The following COL6A2 variants were observed in gnomAD, a reference collection of about 807,000 sequenced individuals.
COL6A2 encodes collagen alpha-2(VI) chain.
COL6A2 carries 90 observed loss-of-function variants against 124.9 expected under a neutral mutation model. That is an observed-to-expected ratio of 0.72 (90% CI 0.61 to 0.86). The LOEUF is 0.86. COL6A2 is among the 40% of genes least tolerant of loss of function. COL6A2 has a pLI of 0.00. For synonymous variants in COL6A2, 793 were observed against 618.2 expected (o/e 1.28, Z -4.19); for missense variants, 1,607 against 1,502.5 (o/e 1.07, Z -1.15).
rs146785156 is a variant in COL6A2 at position 46,119,081 on chromosome 21, A to G, written c.1231A>G (p.Lys411Glu). The change falls in exon 14 of 28, where the codon AAG becomes GAG. Residue 411 changes from lysine to glutamate, a missense_variant. Lys to Glu is a moderately conservative substitution (Grantham distance 56). This residue lies in a region of COL6A2 where 1,223 missense variants were observed against 1,052.2 expected (regional missense o/e 1.16). Coordinates refer to ENST00000300527, the MANE Select transcript of COL6A2 (RefSeq NM_001849.4). ...AGGAAGTCCTGGTGTGAAAGGAGCC[A>G]AGGGCGGGCCTGGGCCCCGCGGACC... Reference protein sequence around the residue: ...APGSPGVKGAKGGPGPRGPKG... With the variant: ...APGSPGVKGAEGGPGPRGPKG... 2 of 1,612,064 alleles carry G rather than the reference A, an allele frequency of 1.2e-6. No individual in the cohort carries two copies. Among genetic ancestry groups the G allele is most frequent in the Non-Finnish European group, 1.7e-6 (2 of 1,179,582 alleles).
chr21:46,125,700 G>A (rs1012351380), intron 25 of COL6A2, 83 bp downstream of exon 25: 22 of 1,592,228 alleles, frequency 1.4e-5, no homozygotes, highest in Middle Eastern at 3.3e-4. Flanking sequence ...GTCCAGACGC[G>A]TCCCTCCAAC....
chr21:46,128,851 C>G, intron 27 of COL6A2: 1 of 1,496,094 alleles, frequency 6.7e-7, no homozygotes, highest in Non-Finnish European at 9.3e-7. Flanking sequence ...TTCCTGGCGA[C>G]GGGCCTGCGG....
chr21:46,131,131 T>G (rs2123452354), intron 27 of COL6A2, among the ~76,000 whole-genome samples: 1 of 152,290 alleles, frequency 6.6e-6, no homozygotes, highest in East Asian at 1.9e-4. Flanking sequence ...GGAAACTGGC[T>G]CTGTCCCTCC....
At chr21:46,103,835 C>T (rs1020665109) in intron 1 of COL6A2, among the ~76,000 whole-genome samples, 7 of 152,186 alleles carry the variant, frequency 4.6e-5, no homozygotes, top group African/African-American at 1.4e-4. Context: ...AGCCCTTCTC[C>T]GTCTGGTTGA....
At position 46,117,588 on chromosome 21, in the gene COL6A2, A is replaced by G. The variant is rs1601228676; in HGVS notation, c.1053+135A>G. 9.7e-6 allele frequency: 9 copies of G among 932,474 alleles called. No homozygotes were observed. The East Asian group carries it at 2.1e-4, about 22-fold the overall frequency. The allele number at this position is 932,474 out of a possible 1,614,324, so 57.8% of individuals were successfully genotyped here. ...CCAGCAGCCCCAGCCCAGCAGCCCC[A>G]GCCCAGCATTCTGCCGGGTCGGAGT... On this transcript the variant is annotated intron_variant, in intron 11 of 27. Coordinates refer to ENST00000300527, the MANE Select transcript of COL6A2 (RefSeq NM_001849.4).
At position 46,132,218 on chromosome 21, in the gene COL6A2, A is replaced by G; in HGVS notation, c.2726A>G (p.Gln909Arg). The G allele has an allele frequency of 2.5e-6, 4 of 1,594,426 alleles. No individual in the cohort carries two copies. Among genetic ancestry groups the G allele is most frequent in the Non-Finnish European group, 3.4e-6 (4 of 1,171,826 alleles). Residue 909 changes from glutamine (Q) to arginine (R), a missense_variant, in exon 28 of 28, where the codon CAA becomes CGA. By Grantham distance (43) the Gln-to-Arg change is conservative. Coordinates refer to ENST00000300527, the MANE Select transcript of COL6A2 (RefSeq NM_001849.4). ...ATCCACGAGGCGCTGGAGACCACAC[A>G]ATACCTGAACTCCTTCTCGCACGTG... ...TAIHEALETT[Q>R]YLNSFSHVGA...
intron 27 of COL6A2, chr21:46,128,767 C>T: frequency 1.3e-6 from 1 of 794,386 alleles, no homozygotes. Context: ...AGAGGACTCA[C>T]ATCCCAGAGA....
intron 1 of COL6A2, among the ~76,000 whole-genome samples, chr21:46,106,596 C>G (rs1307938343): frequency 6.6e-6 from 1 of 152,194 alleles, no homozygotes; most frequent in Non-Finnish European, 1.5e-5. Flanking sequence ...GTTTTGCACT[C>G]AGATACTTCC....
intron 27 of COL6A2, among the ~76,000 whole-genome samples, chr21:46,128,403 A>G (rs1200291938): frequency 6.6e-6 from 1 of 152,234 alleles, no homozygotes; most frequent in Non-Finnish European, 1.5e-5. Flanking sequence ...CAGCAGGGAC[A>G]GTGTTAAATC....
chr21:46,122,117 G>C lies in COL6A2; in HGVS notation c.1531G>C (p.Gly511Arg), dbSNP rs727502833. ...CAACGTCCTCCTCCAGGGAGACCCC[G>C]GCAGGCCTGGATTCAGCTACCCAGG... ...SGQPGPKGDP[G>R]RPGFSYPGPR... The change falls in exon 19 of 28, where the codon GGC becomes CGC. Residue 511 changes from glycine (G) to arginine (R), a missense_variant. Gly to Arg is a moderately radical substitution (Grantham distance 125). This residue lies in a region of COL6A2 where 1,223 missense variants were observed against 1,052.2 expected (regional missense o/e 1.16). Transcript: ENST00000300527. The C allele has an allele frequency of 6.2e-7, 1 of 1,612,598 alleles. No individual in the cohort carries two copies. Among genetic ancestry groups the C allele is most frequent in the Non-Finnish European group, 8.5e-7 (1 of 1,179,994 alleles).
intron 12 of COL6A2, among the ~76,000 whole-genome samples, 160 bp downstream of exon 12, chr21:46,118,096 C>A (rs1006470692): frequency 6.6e-6 from 1 of 152,240 alleles, no homozygotes; most frequent in South Asian, 2.1e-4. Flanking sequence ...GTGCCCTGCC[C>A]GTTGCTTCAT....
intron 5 of COL6A2, among the ~76,000 whole-genome samples, chr21:46,114,618 A>G (rs1601223142): frequency 1.3e-5 from 2 of 152,190 alleles, no homozygotes; most frequent in African/African-American, 4.8e-5. Flanking sequence ...ATATTCAAGT[A>G]AGTAAAATGT....
In COL6A2 at chr21:46,116,731, ACCGG is replaced by A; in HGVS notation, c.955-38_955-35del. On this transcript the variant is annotated intron_variant, in intron 9 of 27. Transcript: ENST00000300527. The surrounding 1 kb of genome is among the most constrained non-coding windows in gnomAD (Gnocchi z 4.6). Reference sequence around the variant, plus strand: ...CCTTCCTGCTGCTCAGGGCAGAAGGACCGGGGCTAATGGAGTTCCCTCTTCCTTC... The same window carrying A: ...CCTTCCTGCTGCTCAGGGCAGAAGGAGGCTAATGGAGTTCCCTCTTCCTTC... 1 of 1,612,968 alleles carries A rather than the reference ACCGG, an allele frequency of 6.2e-7. No individual in the cohort carries two copies. The highest frequency in any genetic ancestry group is 8.5e-7 in the Non-Finnish European group (1 of 1,179,972).
At position 46,118,664 on chromosome 21, in the gene COL6A2, C is replaced by G. The variant is rs1468279141; in HGVS notation, c.1167C>G (p.Ala389=). The change falls in exon 13 of 28, where the codon GCC becomes GCG. Residue 389 remains alanine, a synonymous_variant. Transcript: ENST00000300527. ...GRRGPPGEIG[A]KGSKGYQGNS... is the part of the protein sequence containing the mutation. ...GAGGGCCCCCGGGAGAAATCGGGGC[C>G]AAGGGAAGCAAGGTGAGCCCCTCTG... 6.2e-7 allele frequency: 1 copy of G among 1,610,652 alleles called. No homozygotes were observed. Among genetic ancestry groups the G allele is most frequent in the African/African-American group, 1.3e-5 (1 of 74,932 alleles).
chr21:46,122,430 G>T (rs1316797688), intron 19 of COL6A2, 66 bp from the exon 20 acceptor site: 3 of 1,599,542 alleles, frequency 1.9e-6, no homozygotes, highest in Non-Finnish European at 2.6e-6. Context: ...GCAGAAAGCT[G>T]CCCAGAGGGA....
intron 1 of COL6A2, among the ~76,000 whole-genome samples, chr21:46,107,163 T>C (rs575726919): frequency 6.6e-6 from 1 of 152,306 alleles, no homozygotes; most frequent in South Asian, 2.1e-4. Context: ...ATAGCATTTT[T>C]CTGCAACATT....
chr21:46,125,302 G>T lies in COL6A2; in HGVS notation c.1807G>T (p.Gly603Trp). The change falls in exon 24 of 28, where the codon GGG becomes TGG. Residue 603 changes from glycine to tryptophan, a missense_variant. Physicochemically the swap from Gly to Trp is radical, Grantham distance 184. This residue lies in a region of COL6A2 where 1,223 missense variants were observed against 1,052.2 expected (regional missense o/e 1.16). Coordinates refer to ENST00000300527, the MANE Select transcript of COL6A2 (RefSeq NM_001849.4). ...DVMTYVRETC[G>W]CCDCEKRCGA... ...CATGACCTACGTGAGGGAGACCTGC[G>T]GGTGCTGCGGTGAGGCACTGCCCAC... The T allele has an allele frequency of 6.2e-7, 1 of 1,611,346 alleles. No homozygotes were observed. Among genetic ancestry groups the T allele is most frequent in the Non-Finnish European group, 8.5e-7 (1 of 1,179,050 alleles).
chr21:46,120,020 C>T (rs1462048414), intron 15 of COL6A2, among the ~76,000 whole-genome samples, 170 bp downstream of exon 15: 1 of 147,488 alleles, frequency 6.8e-6, no homozygotes, highest in Non-Finnish European at 1.5e-5. Flanking sequence ...CCCCACACCC[C>T]ATTCTCTGCT....
rs940411411 is a variant in COL6A2, at chr21:46,113,146, G to A, written c.735+322G>A. 5.3e-5 allele frequency among the ~76,000 whole-genome samples: 8 copies of A among 152,150 alleles called. No homozygotes were observed. In the East Asian group the frequency reaches 1.5e-3, roughly 29 times the overall value. ...CCGAGCCCAGCCCAGCAGGTCAGGG[G>A]AGAAGGAACTGACATCATCGGGGTC... On this transcript the variant is annotated intron_variant, in intron 4 of 27. Coordinates refer to ENST00000300527, the MANE Select transcript of COL6A2 (RefSeq NM_001849.4).
Sources: allele counts gnomAD v4.1 joint callset (sites outside exome capture counted in the v4.1 genomes callset), GRCh38; gene constraint gnomAD v4.1.1; regional missense constraint gnomAD v4.1.1; non-coding constraint Gnocchi (gnomAD v3.1); transcripts MANE v1.5; gene names NCBI Gene and HGNC (gene_info 2026-07-23, HGNC 2026-07-21).